The following KHDRBS3 variants were observed in gnomAD, a reference collection of about 807,000 sequenced individuals.
KHDRBS3 encodes the protein KH domain-containing, RNA-binding, signal transduction-associated protein 3.
Under a neutral mutation model 45.6 loss-of-function variants are expected in KHDRBS3, and 23 were observed. That is an observed-to-expected ratio of 0.50 (90% CI 0.36 to 0.72). The LOEUF is 0.72. Ranked by LOEUF, KHDRBS3 falls within the 30% of genes least tolerant of loss-of-function variation. KHDRBS3 has a pLI of 0.00. For synonymous variants in KHDRBS3, 162 were observed against 156.5 expected (o/e 1.04, Z -0.26); for missense variants, 352 against 424.8 (o/e 0.83, Z 1.51).
chr8:135,588,020 G>A (rs1425580740), intron 6 of KHDRBS3, among the ~76,000 whole-genome samples: 1 of 152,098 alleles, frequency 6.6e-6, no homozygotes, highest in African/African-American at 2.4e-5. Flanking sequence ...TTCGTTCTCT[G>A]CAGACATCGA....
At chr8:135,518,163 G>T (rs1013374223) in intron 1 of KHDRBS3, among the ~76,000 whole-genome samples, 2 of 150,786 alleles carry the variant, frequency 1.3e-5, no homozygotes, top group East Asian at 3.9e-4. Flanking sequence ...AAACTACTTT[G>T]TTTTTTTTTG....
In KHDRBS3 at chr8:135,647,154, C is replaced by A; in HGVS notation, c.*70C>A. The A allele has an allele frequency of 5.0e-6, 3 of 595,752 alleles. No homozygotes were observed. Among genetic ancestry groups the A allele is most frequent in the Non-Finnish European group, 2.9e-6 (1 of 344,100 alleles). 36.9% of individuals were successfully genotyped at this position (595,752 alleles called of 1,614,324 possible). Reference sequence around the variant, plus strand: ...GTATACTGTTCAAAGTAATTTTTTTCTATGAACAATCCCTTTTTAAATAAA... The same window carrying A: ...GTATACTGTTCAAAGTAATTTTTTTATATGAACAATCCCTTTTTAAATAAA... On this transcript the variant is annotated 3_prime_UTR_variant, in exon 9 of 9. Transcript: ENST00000355849.
chr8:135,566,839 T>C (rs1159655005), intron 5 of KHDRBS3, among the ~76,000 whole-genome samples: 1 of 152,202 alleles, frequency 6.6e-6, no homozygotes, highest in African/African-American at 2.4e-5. Context: ...AACAAAAAGT[T>C]CTGTTTGAAT....
chr8:135,625,144 T>A (rs1203929116), intron 7 of KHDRBS3: 1 of 1,136,570 alleles, frequency 8.8e-7, no homozygotes, highest in Admixed American at 1.8e-5. Context: ...GCACATGATT[T>A]GGAGTGAAGA....
intron 5 of KHDRBS3, among the ~76,000 whole-genome samples, chr8:135,569,527 A>T: frequency 6.6e-6 from 1 of 152,246 alleles, no homozygotes; most frequent in Non-Finnish European, 1.5e-5. Flanking sequence ...ATACAAACTA[A>T]CTTGAGAGTT....
At chr8:135,579,852 AT>A (rs1563782491) in intron 5 of KHDRBS3, among the ~76,000 whole-genome samples, 1 of 152,210 alleles carries the variant, frequency 6.6e-6, no homozygotes, top group East Asian at 1.9e-4. Flanking sequence ...CTTTTAGCAC[AT>A]TATGGAATGG....
At chr8:135,589,397 T>C (rs1828636788) in intron 6 of KHDRBS3, among the ~76,000 whole-genome samples, 1 of 152,200 alleles carries the variant, frequency 6.6e-6, no homozygotes, top group Admixed American at 6.5e-5. Flanking sequence ...TCCTCTGCAT[T>C]GTGTTTAAGG....
chr8:135,649,172 T>C (rs937979639), downstream of KHDRBS3, among the ~76,000 whole-genome samples: 1 of 152,184 alleles, frequency 6.6e-6, no homozygotes, highest in Non-Finnish European at 1.5e-5. Context: ...TTTTTGTCTC[T>C]CTTTTTACAT....
chr8:135,475,069 C>T (rs1406307533), intron 1 of KHDRBS3, among the ~76,000 whole-genome samples: 1 of 152,212 alleles, frequency 6.6e-6, no homozygotes, highest in Non-Finnish European at 1.5e-5. Context: ...TTTGTAAGGT[C>T]CTTTGTGCTG....
chr8:135,462,025 G>T (rs1821454566), intron 1 of KHDRBS3, among the ~76,000 whole-genome samples: 1 of 152,106 alleles, frequency 6.6e-6, no homozygotes, highest in African/African-American at 2.4e-5. Context: ...AAACCCAGGG[G>T]CTTAAAACTT....
At chr8:135,585,714 A>C (rs1828439952) in intron 6 of KHDRBS3, among the ~76,000 whole-genome samples, 1 of 152,210 alleles carries the variant, frequency 6.6e-6, no homozygotes, top group South Asian at 2.1e-4. Flanking sequence ...TAGAACAATC[A>C]TAATATGTCC....
At chr8:135,578,312 TATA>T (rs1828042432) in intron 5 of KHDRBS3, among the ~76,000 whole-genome samples, 1 of 152,160 alleles carries the variant, frequency 6.6e-6, no homozygotes, top group South Asian at 2.1e-4. Context: ...ACCAAACTAA[TATA>T]ATACAGATTT....
At chr8:135,578,592 C>T (rs539344049) in intron 5 of KHDRBS3, among the ~76,000 whole-genome samples, 3 of 152,048 alleles carry the variant, frequency 2.0e-5, no homozygotes, top group Non-Finnish European at 4.4e-5. Flanking sequence ...TCTTTTCTTT[C>T]GCAAATACCG....
At chr8:135,538,829 G>A (rs1358871771) in intron 2 of KHDRBS3, 2 of 152,076 alleles carry the variant, frequency 1.3e-5, no homozygotes, top group African/African-American at 4.8e-5. Context: ...ATATCATCCA[G>A]AAAGTCCAAA....
chr8:135,581,447 C>G (rs78713052), intron 5 of KHDRBS3, among the ~76,000 whole-genome samples: 1,615 of 152,308 alleles, frequency 0.011, 25 homozygotes, highest in African/African-American at 0.035. Flanking sequence ...ATTTTGGCCT[C>G]TGGCTTTGCT....
At chr8:135,605,502 A>G (rs1829418054) in intron 6 of KHDRBS3, among the ~76,000 whole-genome samples, 1 of 152,102 alleles carries the variant, frequency 6.6e-6, no homozygotes, top group Non-Finnish European at 1.5e-5. Context: ...TTCTATATCT[A>G]TATTAATATT....
At chr8:135,501,852 G>A (rs547795312) in intron 1 of KHDRBS3, among the ~76,000 whole-genome samples, 1 of 151,920 alleles carries the variant, frequency 6.6e-6, no homozygotes, top group South Asian at 2.1e-4. Flanking sequence ...AGTAATTCTC[G>A]CTTTTTGCAC....
At chr8:135,537,212 T>C (rs1267763179) in intron 2 of KHDRBS3, among the ~76,000 whole-genome samples, 1 of 152,132 alleles carries the variant, frequency 6.6e-6, no homozygotes, top group African/African-American at 2.4e-5. Context: ...AGAGCATGTT[T>C]GAAGCTATGG....
At chr8:135,642,825 G>A (rs886428803) in intron 7 of KHDRBS3, among the ~76,000 whole-genome samples, 6 of 146,996 alleles carry the variant, frequency 4.1e-5, no homozygotes, top group Admixed American at 1.4e-4. Flanking sequence ...ATGGAGTCTC[G>A]CTCTGTCGCC....
Sources: gnomAD v4.1 joint callset for allele counts (sites outside exome capture counted in the v4.1 genomes callset) on GRCh38, gnomAD v4.1.1 for gene constraint, MANE v1.5 for transcripts, NCBI Gene and HGNC (gene_info 2026-07-23, HGNC 2026-07-21) for gene names.